The following SPON1 variants were observed in gnomAD, a reference collection of about 807,000 sequenced individuals.
The protein encoded by SPON1 is spondin-1.
Under a neutral mutation model 111.7 loss-of-function variants are expected in SPON1, and 52 were observed. The ratio of observed to expected loss-of-function variants is 0.47; its 90% CI spans 0.37 to 0.59. The LOEUF is 0.59. SPON1 is among the 20% of genes least tolerant of loss of function. The pLI, the probability that SPON1 is intolerant of heterozygous loss-of-function variation, is 0.00. For missense variants in SPON1, 957 were observed against 1,068.5 expected, an observed-to-expected ratio of 0.90 and a Z score of 1.46; for synonymous variants, 410 against 395.8, an observed-to-expected ratio of 1.04 and a Z score of -0.43.
chr11:14,092,003 G>GCGTACACA (rs1366747184), intron 5 of SPON1, among the ~76,000 whole-genome samples: 5 of 152,186 alleles, frequency 3.3e-5, no homozygotes, highest in African/African-American at 9.7e-5. Flanking sequence ...TCCTCTGTGG[G>GCGTACACA]CTGTACCCAC....
intron 2 of SPON1, among the ~76,000 whole-genome samples, chr11:14,030,076 A>G (rs1848547114): frequency 6.6e-6 from 1 of 152,214 alleles, no homozygotes; most frequent in Non-Finnish European, 1.5e-5. Flanking sequence ...CAGGCCTCTT[A>G]GTTGCTGGGT....
intron 2 of SPON1, among the ~76,000 whole-genome samples, chr11:14,016,370 T>G (rs948995415): frequency 3.3e-5 from 5 of 152,246 alleles, no homozygotes. Context: ...GTTTAACTGG[T>G]GAAACATCTG....
chr11:14,096,733 C>G (rs1554923914), intron 5 of SPON1, among the ~76,000 whole-genome samples: 1 of 152,156 alleles, frequency 6.6e-6, no homozygotes, highest in African/African-American at 2.4e-5. Context: ...TTCCTTATTG[C>G]ACTCCTTTGA....
chr11:14,214,645 T>A (rs1481175644), intron 6 of SPON1, among the ~76,000 whole-genome samples: 1 of 152,194 alleles, frequency 6.6e-6, no homozygotes, highest in Non-Finnish European at 1.5e-5. Flanking sequence ...GAATTCCAAC[T>A]GCTATGTCAG....
At position 14,134,509 on chromosome 11, in the gene SPON1, C is replaced by T. The variant is rs1847567901; in HGVS notation, c.677-911C>T. ...ACCATCCCATGTGATCTTCACCAAA[C>T]CACTGTGGACTGGTCACTTCCACAT... On this transcript the variant is annotated intron_variant, in intron 5 of 15. Coordinates refer to ENST00000576479, the MANE Select transcript of SPON1 (RefSeq NM_006108.4). Among the ~76,000 whole-genome samples, 4 of 152,206 alleles carry T rather than the reference C, an allele frequency of 2.6e-5. No homozygotes were observed. In the South Asian group the frequency reaches 6.2e-4, roughly 24 times the overall value.
chr11:14,148,757 C>T (rs1464863474), intron 6 of SPON1, among the ~76,000 whole-genome samples: 22 of 152,244 alleles, frequency 1.4e-4, no homozygotes, highest in Non-Finnish European at 1.2e-4. Context: ...AAACGTCACT[C>T]TGGTGTATGT....
chr11:14,246,659 C>T (rs570618903), intron 7 of SPON1, among the ~76,000 whole-genome samples: 1 of 152,282 alleles, frequency 6.6e-6, no homozygotes, highest in African/African-American at 2.4e-5. Context: ...AGGACTGAAA[C>T]ATCCTTGATA....
At chr11:14,155,145 C>T (rs1554930241) in intron 6 of SPON1, among the ~76,000 whole-genome samples, 1 of 152,220 alleles carries the variant, frequency 6.6e-6, no homozygotes, top group African/African-American at 2.4e-5. Context: ...TTTCCCTCAT[C>T]TTCCTATCTT....
chr11:14,049,945 C>T (rs1554918275), intron 3 of SPON1, among the ~76,000 whole-genome samples: 2 of 152,194 alleles, frequency 1.3e-5, no homozygotes, highest in Non-Finnish European at 2.9e-5. Context: ...TATCTGGCCT[C>T]AGGTCTATCA....
chr11:14,038,471 AAAAAC>A (rs1262295498), intron 2 of SPON1, among the ~76,000 whole-genome samples: 8 of 152,196 alleles, frequency 5.3e-5, no homozygotes, highest in Non-Finnish European at 1.0e-4. Flanking sequence ...TCCATCTCAA[AAAAAC>A]AAAACAAAAC....
intron 3 of SPON1, among the ~76,000 whole-genome samples, chr11:14,062,000 G>C (rs1848794754): frequency 6.6e-6 from 1 of 152,188 alleles, no homozygotes; most frequent in East Asian, 1.9e-4. Flanking sequence ...CATGGGATGT[G>C]GGAGAGCTTG....
chr11:14,260,835 T>G, intron 14 of SPON1, 83 bp downstream of exon 14: 2 of 1,423,644 alleles, frequency 1.4e-6, no homozygotes, highest in Admixed American at 4.4e-5. Context: ...CTAATACTGC[T>G]AGATCCTAGA....
At chr11:14,170,231 C>A (rs1177504322) in intron 6 of SPON1, among the ~76,000 whole-genome samples, 6 of 152,002 alleles carry the variant, frequency 3.9e-5, no homozygotes, top group African/African-American at 1.2e-4. Flanking sequence ...AGTTGGATTC[C>A]TAGGTATTTT....
intron 5 of SPON1, among the ~76,000 whole-genome samples, chr11:14,132,105 C>T (rs1030980092): frequency 2.0e-5 from 3 of 152,174 alleles, no homozygotes; most frequent in East Asian, 1.9e-4. Flanking sequence ...GGTGAAACCC[C>T]GTCTCTACTA....
intron 6 of SPON1, among the ~76,000 whole-genome samples, chr11:14,196,019 A>C (rs919011243): frequency 1.3e-5 from 2 of 152,210 alleles, no homozygotes; most frequent in Non-Finnish European, 2.9e-5. Context: ...TTCCCCAGCT[A>C]TCCACCATTT....
At chr11:14,253,432 C>T (rs1300049922) in intron 7 of SPON1, among the ~76,000 whole-genome samples, 12 of 152,230 alleles carry the variant, frequency 7.9e-5, no homozygotes, top group Admixed American at 1.3e-4. Context: ...GACACTGAGA[C>T]GCAGAAAGGT....
At chr11:14,199,078 T>C (rs1848433259) in intron 6 of SPON1, among the ~76,000 whole-genome samples, 1 of 152,162 alleles carries the variant, frequency 6.6e-6, no homozygotes, top group Admixed American at 6.5e-5. Context: ...AGAGTCCCTT[T>C]GGTACAGAGT....
intron 3 of SPON1, among the ~76,000 whole-genome samples, chr11:14,065,933 T>C (rs1848829158): frequency 1.3e-5 from 2 of 152,152 alleles, no homozygotes; most frequent in African/African-American, 2.4e-5. Context: ...GTCCCTGGAC[T>C]CAAGGGGCTC....
chr11:14,199,631 C>A (rs1848440064), intron 6 of SPON1, among the ~76,000 whole-genome samples: 1 of 152,218 alleles, frequency 6.6e-6, no homozygotes, highest in East Asian at 1.9e-4. Context: ...ACAAAGCTAA[C>A]AATGGCACCC....
Sources: gnomAD v4.1 joint callset for allele counts (sites outside exome capture counted in the v4.1 genomes callset) on GRCh38, gnomAD v4.1.1 for gene constraint, MANE v1.5 for transcripts, NCBI Gene and HGNC (gene_info 2026-07-23, HGNC 2026-07-21) for gene names.